WDFY4: variants seen among roughly 807,000 people sequenced by gnomAD.
WDFY4 encodes WD repeat- and FYVE domain-containing protein 4.
A neutral mutation model predicts 351.9 loss-of-function variants in WDFY4; 169 were observed. The observed-to-expected ratio is 0.48, with a 90% CI of 0.42 to 0.55. The LOEUF is 0.55. WDFY4 is among the 20% of genes least tolerant of loss of function. The pLI is 0.00. For synonymous variants in WDFY4, 1,622 were observed against 1,574.6 expected, an observed-to-expected ratio of 1.03 and a Z score of -0.71; for missense variants, 3,803 against 3,935.6, an observed-to-expected ratio of 0.97 and a Z score of 0.90.
Position 48,709,703 on chromosome 10 carries a change from G to T in WDFY4, c.-17-13G>T, listed in dbSNP as rs552074781. 9.0e-6 allele frequency: 14 copies of T among 1,547,840 alleles called. No individual in the cohort carries two copies. In the East Asian group the frequency reaches 2.0e-4, roughly 22 times the overall value. Reference sequence around the variant, plus strand: ...GTGACAGGAATGTTCACTTCTATTTGTTCTGAATTCAGATCTGCTTTGCCA... The same window carrying T: ...GTGACAGGAATGTTCACTTCTATTTTTTCTGAATTCAGATCTGCTTTGCCA... On this transcript the variant is annotated splice_polypyrimidine_tract_variant and intron_variant, in intron 1 of 61. Coordinates refer to ENST00000325239, the MANE Select transcript of WDFY4 (RefSeq NM_001394531.1).
chr10:48,843,941 AGT>A (rs1424431657), intron 39 of WDFY4, among the ~76,000 whole-genome samples: 1 of 152,242 alleles, frequency 6.6e-6, no homozygotes, highest in Non-Finnish European at 1.5e-5. Context: ...AAAAGACAGA[AGT>A]GTCCCAAACT....
chr10:48,786,941 CA>C, intron 20 of WDFY4, 71 bp downstream of exon 20: 1 of 1,357,164 alleles, frequency 7.4e-7, no homozygotes. Flanking sequence ...TTATTTGTAG[CA>C]GATTTGCAGA....
chr10:48,835,292 G>A (rs1284187725), intron 39 of WDFY4, among the ~76,000 whole-genome samples: 1 of 152,188 alleles, frequency 6.6e-6, no homozygotes, highest in African/African-American at 2.4e-5. Flanking sequence ...GAGGGGCTGG[G>A]CTTGTTCAGA....
intron 12 of WDFY4, among the ~76,000 whole-genome samples, chr10:48,754,111 T>C (rs1481899222): frequency 5.9e-5 from 9 of 152,190 alleles, no homozygotes; most frequent in Admixed American, 5.2e-4. Context: ...CTAATATAAA[T>C]CATACTTGGT....
chr10:48,761,349 T>C (rs1477664599), intron 13 of WDFY4, among the ~76,000 whole-genome samples: 2 of 152,270 alleles, frequency 1.3e-5, no homozygotes, highest in South Asian at 2.1e-4. Context: ...TGAAAAACAT[T>C]ACATTGGCTG....
At position 48,781,359 on chromosome 10, in the gene WDFY4, C is replaced by T. The variant is rs559746511; in HGVS notation, c.3576+1240C>T. On this transcript the variant is annotated intron_variant, in intron 19 of 61. Transcript: ENST00000325239. ...TCGCCCAGGCTGGAGTGCAATGGTG[C>T]GATCTCAGCTCTCCGCAACCACTGC... 4.0e-5 allele frequency among the ~76,000 whole-genome samples: 6 copies of T among 151,752 alleles called. No homozygotes were observed. The South Asian group carries it at 1.2e-3, about 32-fold the overall frequency.
chr10:48,731,982 A>C (rs1343703914), intron 9 of WDFY4, among the ~76,000 whole-genome samples: 1 of 152,088 alleles, frequency 6.6e-6, no homozygotes, highest in Non-Finnish European at 1.5e-5. Flanking sequence ...GTGGTCTCCC[A>C]CTGGGAGAGA....
intron 13 of WDFY4, among the ~76,000 whole-genome samples, chr10:48,767,755 G>C (rs975319790): frequency 6.6e-6 from 1 of 152,238 alleles, no homozygotes; most frequent in African/African-American, 2.4e-5. Context: ...ACAGAAGAGT[G>C]TTAAGTCCTA....
At chr10:48,862,943 CAT>C (rs2069396223) in intron 39 of WDFY4, among the ~76,000 whole-genome samples, 1 of 152,188 alleles carries the variant, frequency 6.6e-6, no homozygotes. Context: ...TAAATGGAAT[CAT>C]ATAATATTTG....
At position 48,806,212 on chromosome 10, in the gene WDFY4, G is replaced by A. The variant is rs576950345; in HGVS notation, c.4738+117G>A. 15 of 1,023,172 alleles carry A rather than the reference G, an allele frequency of 1.5e-5. No homozygotes were observed. In the African/African-American group the frequency reaches 1.7e-4, roughly 12 times the overall value. The allele number at this position is 1,023,172 out of a possible 1,614,324, so 63.4% of individuals were successfully genotyped here. A position where few individuals can be genotyped will look rare whatever the true frequency, so the allele number is the denominator to read the frequency against. On this transcript the variant is annotated intron_variant, in intron 27 of 61. Transcript: ENST00000325239. Reference sequence around the variant, plus strand: ...GGAAGGGGAAGGCACCCACAGCCAAGCCGTGGTTTCCAAGCCGTGGCCTGT... The same window carrying A: ...GGAAGGGGAAGGCACCCACAGCCAAACCGTGGTTTCCAAGCCGTGGCCTGT...
At chr10:48,823,784 C>A in intron 35 of WDFY4, 3 of 989,284 alleles carry the variant, frequency 3.0e-6, no homozygotes, top group Non-Finnish European at 2.4e-6. Flanking sequence ...GGCTCGGCTC[C>A]CCACATATCC....
intron 12 of WDFY4, among the ~76,000 whole-genome samples, chr10:48,747,216 G>A (rs75793521): frequency 0.024 from 3,658 of 152,114 alleles, 149 homozygotes; most frequent in African/African-American, 0.083. Context: ...TTCCATTGTT[G>A]CCTTTTAAAA....
intron 57 of WDFY4, among the ~76,000 whole-genome samples, chr10:48,972,692 G>A (rs1412624193): frequency 2.0e-5 from 3 of 152,136 alleles, no homozygotes; most frequent in Admixed American, 2.0e-4. Context: ...GCTTCTGATT[G>A]TTTTCTTGCG....
intron 23 of WDFY4, among the ~76,000 whole-genome samples, chr10:48,794,105 C>T (rs1299234376): frequency 1.3e-5 from 2 of 152,060 alleles, no homozygotes; most frequent in East Asian, 1.9e-4. Flanking sequence ...GGAGCCATAG[C>T]CTTACCACTG....
intron 59 of WDFY4, among the ~76,000 whole-genome samples, chr10:48,977,260 A>G (rs1426756116): frequency 6.6e-6 from 1 of 152,244 alleles, no homozygotes; most frequent in Non-Finnish European, 1.5e-5. Context: ...GAATGGTTAA[A>G]TGCAAAAGAT....
intron 13 of WDFY4, among the ~76,000 whole-genome samples, chr10:48,772,020 G>A (rs1341085690): frequency 6.6e-6 from 1 of 152,132 alleles, no homozygotes; most frequent in African/African-American, 2.4e-5. Context: ...TCATTTACAT[G>A]GCCATTGATC....
At chr10:48,862,075 T>C (rs1342425084) in intron 39 of WDFY4, among the ~76,000 whole-genome samples, 8 of 152,194 alleles carry the variant, frequency 5.3e-5, no homozygotes, top group Non-Finnish European at 1.0e-4. Flanking sequence ...TGTTTCAGAA[T>C]GTTTTAAATT....
chr10:48,753,217 T>A (rs2065237344), intron 12 of WDFY4, among the ~76,000 whole-genome samples: 1 of 152,218 alleles, frequency 6.6e-6, no homozygotes, highest in African/African-American at 2.4e-5. Flanking sequence ...TTGGGTTGTT[T>A]CTCTTTTTGT....
chr10:48,944,765 T>A (rs1340180271), intron 49 of WDFY4, among the ~76,000 whole-genome samples: 1 of 152,216 alleles, frequency 6.6e-6, no homozygotes, highest in Non-Finnish European at 1.5e-5. Context: ...TTGCAAGCCT[T>A]TTTTGTTTAG....
Sources: gnomAD v4.1 joint callset for allele counts (sites outside exome capture counted in the v4.1 genomes callset) on GRCh38, gnomAD v4.1.1 for gene constraint, MANE v1.5 for transcripts, NCBI Gene and HGNC (gene_info 2026-07-23, HGNC 2026-07-21) for gene names.